Variants in NAALADL2 observed in about 807,000 individuals in gnomAD.
NAALADL2 encodes the protein N-acetylated alpha-linked acidic dipeptidase like 2, also known as inactive N-acetylated-alpha-linked acidic dipeptidase-like protein 2.
NAALADL2 carries 76 observed loss-of-function variants against 87.2 expected under a neutral mutation model. That is an observed-to-expected ratio of 0.87 (90% CI 0.72 to 1.05). The LOEUF is 1.05. Among genes scored for constraint, NAALADL2 ranks in the 50% least tolerant of loss-of-function variants. The pLI is 0.00. For missense variants in NAALADL2, 1,089 were observed against 945.8 expected, an observed-to-expected ratio of 1.15 and a Z score of -1.99; for synonymous variants, 354 against 331.0, an observed-to-expected ratio of 1.07 and a Z score of -0.75.
intron 2 of NAALADL2, among the ~76,000 whole-genome samples, chr3:174,558,746 G>A (rs192144474): frequency 1.3e-5 from 2 of 152,218 alleles, no homozygotes; most frequent in African/African-American, 4.8e-5. Context: ...AACAGGCCAT[G>A]GACTGATCCT....
At chr3:174,716,423 T>A (rs1378207304) in intron 2 of NAALADL2, among the ~76,000 whole-genome samples, 1 of 151,826 alleles carries the variant, frequency 6.6e-6, no homozygotes, top group Non-Finnish European at 1.5e-5. Context: ...GGGTTCCAAA[T>A]ATGATAATAT....
intron 5 of NAALADL2, among the ~76,000 whole-genome samples, chr3:175,441,344 GA>G (rs1305158034): frequency 6.6e-6 from 1 of 152,098 alleles, no homozygotes; most frequent in Non-Finnish European, 1.5e-5. Context: ...AGAAAATGTG[GA>G]TAGGTTATAT....
intron 2 of NAALADL2, among the ~76,000 whole-genome samples, chr3:175,202,621 A>G (rs578075132): frequency 9.2e-5 from 14 of 152,268 alleles, no homozygotes; most frequent in Non-Finnish European, 1.8e-4. Context: ...GGTGCTTTCC[A>G]GAGAGCATCA....
chr3:174,721,351 C>A (rs59744182), intron 2 of NAALADL2, among the ~76,000 whole-genome samples: 6,779 of 152,014 alleles, frequency 0.045, 264 homozygotes, highest in African/African-American at 0.1. Context: ...ATTTCCTTTC[C>A]TCAAATAAGC....
intron 2 of NAALADL2, among the ~76,000 whole-genome samples, chr3:174,660,726 G>A (rs186271470): frequency 6.6e-6 from 1 of 151,866 alleles, no homozygotes; most frequent in African/African-American, 2.4e-5. Flanking sequence ...GGAATACATT[G>A]TACTTTTTTA....
At position 175,512,020 on chromosome 3, in the gene NAALADL2, C is replaced by T. The variant is rs151159158; in HGVS notation, c.1653+40262C>T. 3.0e-3 allele frequency among the ~76,000 whole-genome samples: 451 copies of T among 152,162 alleles called. 4 individuals are homozygous for T. The highest frequency in any genetic ancestry group is 0.01 in the African/African-American group (429 of 41,516). On this transcript the variant is annotated intron_variant, in intron 9 of 13. Transcript: ENST00000454872. ...AATTTGGGAGGCTGAGGTAGAGGATCGCTTTGAGCCAGTGAGTTAGAGACC... is the reference window on the plus strand; with the variant it reads ...AATTTGGGAGGCTGAGGTAGAGGATTGCTTTGAGCCAGTGAGTTAGAGACC...
rs575067394 is a variant in NAALADL2, at chr3:175,734,950, T to C, written c.1897-2356T>C. Among the ~76,000 whole-genome samples the C allele has an allele frequency of 1.8e-3, 277 of 152,322 alleles. 1 individual carries two copies. The highest frequency in any genetic ancestry group is 6.3e-3 in the African/African-American group (262 of 41,576). On this transcript the variant is annotated intron_variant, in intron 11 of 13. Coordinates refer to ENST00000454872, the MANE Select transcript of NAALADL2 (RefSeq NM_207015.3). ...TCTCCAGCTGGCTTGAATTTCTCCA[T>C]AGAGAATGAGATTTTCTTTTCTATC...
chr3:175,506,147 G>A (rs996495234), intron 9 of NAALADL2, among the ~76,000 whole-genome samples: 2 of 152,040 alleles, frequency 1.3e-5, no homozygotes, highest in African/African-American at 4.8e-5. Context: ...GTATTTCATT[G>A]CTTTTTGCTC....
chr3:174,838,774 G>A (rs9836047), intron 3 of NAALADL2, among the ~76,000 whole-genome samples: 26,824 of 151,914 alleles, frequency 0.18, 2,691 homozygotes, highest in East Asian at 0.43. Context: ...AAAATACTTA[G>A]GACTATACCT....
At chr3:175,121,929 A>T (rs1726214095) in intron 2 of NAALADL2, among the ~76,000 whole-genome samples, 1 of 151,598 alleles carries the variant, frequency 6.6e-6, no homozygotes, top group Non-Finnish European at 1.5e-5. Context: ...TCATTCTTGT[A>T]TCTGTGATCT....
At chr3:175,541,271 T>C (rs1712274798) in intron 9 of NAALADL2, among the ~76,000 whole-genome samples, 1 of 152,238 alleles carries the variant, frequency 6.6e-6, no homozygotes, top group Non-Finnish European at 1.5e-5. Context: ...CAGTAGAATG[T>C]ACAAATGTTC....
chr3:175,096,771 A>G lies in NAALADL2; in HGVS notation c.44-19A>G. The stretch of plus-strand genomic sequence containing the variant: ...TTGTGTGTTTATTTTATTAAAATAT[A>G]TTTTTCTTATTTTCACAGGTAAAAA... On this transcript the variant is annotated intron_variant, in intron 1 of 13. Coordinates refer to ENST00000454872, the MANE Select transcript of NAALADL2 (RefSeq NM_207015.3). The G allele has an allele frequency of 7.1e-7, 1 of 1,408,138 alleles. No individual in the cohort carries two copies. Among genetic ancestry groups the G allele is most frequent in the South Asian group, 1.6e-5 (1 of 61,336 alleles). 87.2% of individuals were successfully genotyped at this position (1,408,138 alleles called of 1,614,324 possible).
intron 1 of NAALADL2, among the ~76,000 whole-genome samples, chr3:174,867,316 ACTT>A: frequency 6.6e-6 from 1 of 151,970 alleles, no homozygotes; most frequent in East Asian, 1.9e-4. Flanking sequence ...TTTCTGCTGA[ACTT>A]CTTATATTAT....
chr3:175,783,994 C>T (rs1400323246), intron 13 of NAALADL2, among the ~76,000 whole-genome samples: 1 of 142,554 alleles, frequency 7.0e-6, no homozygotes, highest in East Asian at 2.0e-4. Context: ...TGTTTATATG[C>T]TGGATTACAT....
At chr3:175,015,305 T>A (rs914983890) in intron 1 of NAALADL2, among the ~76,000 whole-genome samples, 2 of 152,088 alleles carry the variant, frequency 1.3e-5, no homozygotes, top group Admixed American at 1.3e-4. Flanking sequence ...TGTATATGTA[T>A]ATGTGTGCAT....
intron 1 of NAALADL2, among the ~76,000 whole-genome samples, chr3:174,863,470 C>T (rs916276848): frequency 6.6e-6 from 1 of 151,868 alleles, no homozygotes; most frequent in African/African-American, 2.4e-5. Context: ...ATTTTCATTA[C>T]AGCTAGGAGA....
intron 5 of NAALADL2, among the ~76,000 whole-genome samples, chr3:175,358,915 C>T (rs1167250374): frequency 6.6e-6 from 1 of 151,976 alleles, no homozygotes; most frequent in African/African-American, 2.4e-5. Flanking sequence ...GAATTAGCCC[C>T]ACAGCTGTCA....
chr3:175,078,643 A>G (rs375569620), intron 1 of NAALADL2, among the ~76,000 whole-genome samples: 5 of 152,140 alleles, frequency 3.3e-5, no homozygotes, highest in Admixed American at 1.3e-4. Context: ...TTCTGTCTCT[A>G]TATCTGCCTA....
intron 2 of NAALADL2, among the ~76,000 whole-genome samples, chr3:175,215,558 T>C (rs1560176315): frequency 6.6e-6 from 1 of 151,282 alleles, no homozygotes. Flanking sequence ...TTGCACACCT[T>C]TCAGACCACT....
Sources: gnomAD v4.1 joint callset for allele counts (sites outside exome capture counted in the v4.1 genomes callset) on GRCh38, gnomAD v4.1.1 for gene constraint, MANE v1.5 for transcripts, NCBI Gene and HGNC (gene_info 2026-07-23, HGNC 2026-07-21) for gene names.